The following MAGI1 variants were observed in gnomAD, a reference collection of about 807,000 sequenced individuals.
The protein encoded by MAGI1 is membrane associated guanylate kinase, WW and PDZ domain containing 1, also known as membrane-associated guanylate kinase, WW and PDZ domain-containing protein 1.
Under a neutral mutation model 139.9 loss-of-function variants are expected in MAGI1, and 58 were observed. The ratio of observed to expected loss-of-function variants is 0.41; its 90% CI spans 0.34 to 0.52. The LOEUF is 0.52. Ranked by LOEUF, MAGI1 falls within the 20% of genes least tolerant of loss-of-function variation. The pLI is 0.12. For missense variants in MAGI1, 1,874 were observed against 1,901.6 expected, an observed-to-expected ratio of 0.99 and a Z score of 0.27; for synonymous variants, 812 against 737.9, an observed-to-expected ratio of 1.10 and a Z score of -1.63.
intron 1 of MAGI1, among the ~76,000 whole-genome samples, chr3:65,855,634 A>AGAGGGG: frequency 1.1e-5 from 1 of 94,362 alleles, no homozygotes; most frequent in East Asian, 2.9e-4. Flanking sequence ...AGGGGAGGGG[A>AGAGGGG]AGGGAGAAAC....
intron 18 of MAGI1, among the ~76,000 whole-genome samples, chr3:65,367,560 G>A (rs571868865): frequency 1.1e-4 from 17 of 152,236 alleles, no homozygotes; most frequent in African/African-American, 3.4e-4. Context: ...TGGTTTAAAC[G>A]TGCCAAGCAC....
intron 2 of MAGI1, among the ~76,000 whole-genome samples, chr3:65,595,608 T>C (rs920153360): frequency 2.0e-5 from 3 of 152,060 alleles, no homozygotes; most frequent in East Asian, 3.9e-4. Flanking sequence ...AGTCTAATCA[T>C]AGGAACAGAC....
At chr3:65,613,729 T>C (rs2083232767) in intron 2 of MAGI1, among the ~76,000 whole-genome samples, 3 of 152,226 alleles carry the variant, frequency 2.0e-5, no homozygotes, top group South Asian at 2.1e-4. Flanking sequence ...ATGCCTATTA[T>C]TGGCTAAATC....
intron 11 of MAGI1, 100 bp downstream of exon 11, chr3:65,430,599 G>T (rs1947383963): frequency 1.6e-6 from 2 of 1,256,588 alleles, no homozygotes; most frequent in East Asian, 4.7e-5. Context: ...TCATGACGTT[G>T]CTTGGTCTTG....
At chr3:65,463,267 A>G (rs1005202729) in intron 5 of MAGI1, among the ~76,000 whole-genome samples, 4 of 152,106 alleles carry the variant, frequency 2.6e-5, no homozygotes, top group Admixed American at 2.0e-4. Context: ...TCATTTTGAG[A>G]TATGTTCCAA....
intron 1 of MAGI1, among the ~76,000 whole-genome samples, chr3:65,639,720 C>T (rs529099464): frequency 1.8e-4 from 27 of 152,076 alleles, no homozygotes; most frequent in African/African-American, 6.0e-4. Flanking sequence ...AATTACTTTC[C>T]AGCCAGGTGC....
intron 1 of MAGI1, chr3:66,003,780 T>C (rs1011264606): frequency 6.6e-6 from 1 of 152,100 alleles, no homozygotes; most frequent in Non-Finnish European, 1.5e-5. Context: ...GCTTCAACTG[T>C]TTTTAAGGGT....
intron 1 of MAGI1, among the ~76,000 whole-genome samples, chr3:65,719,034 A>AG (rs2032648075): frequency 6.6e-6 from 1 of 151,026 alleles, no homozygotes; most frequent in African/African-American, 2.5e-5. Context: ...AAAAAAAAAA[A>AG]AAGACACAAA....
intron 1 of MAGI1, among the ~76,000 whole-genome samples, chr3:66,007,834 G>A (rs578033902): frequency 6.6e-6 from 1 of 152,070 alleles, no homozygotes; most frequent in South Asian, 2.1e-4. Flanking sequence ...CTAAATTGGA[G>A]GAGGGAAGAA....
At chr3:65,998,656 T>C (rs767144558) in intron 1 of MAGI1, among the ~76,000 whole-genome samples, 7 of 152,220 alleles carry the variant, frequency 4.6e-5, no homozygotes, top group Non-Finnish European at 1.5e-5. Flanking sequence ...ATCCCATTTG[T>C]AGATTATACT....
intron 1 of MAGI1, among the ~76,000 whole-genome samples, chr3:65,774,747 G>A (rs72908259): frequency 0.018 from 2,675 of 152,186 alleles, 78 homozygotes; most frequent in African/African-American, 0.061. Flanking sequence ...TTAAGTAAGA[G>A]GAAAACAAGA....
chr3:65,478,551 C>G, intron 4 of MAGI1, 41 bp downstream of exon 4: 1 of 1,581,866 alleles, frequency 6.3e-7, no homozygotes, highest in Non-Finnish European at 8.7e-7. Context: ...CTCGTCATCC[C>G]TTCCCCAGGT....
chr3:65,576,232 C>T (rs1289314519), intron 2 of MAGI1, among the ~76,000 whole-genome samples: 1 of 152,144 alleles, frequency 6.6e-6, no homozygotes, highest in African/African-American at 2.4e-5. Context: ...TCTAATTAAT[C>T]AAGTAACACG....
intron 2 of MAGI1, among the ~76,000 whole-genome samples, chr3:65,600,700 C>A (rs536908010): frequency 6.6e-6 from 1 of 152,160 alleles, no homozygotes; most frequent in African/African-American, 2.4e-5. Context: ...TTTAGAGAGG[C>A]AGTGAAATGT....
rs1465001617 is a variant in MAGI1, at chr3:65,430,720, A to G, written c.1525T>C (p.Leu509=). 1 of 1,613,372 alleles carries G rather than the reference A, an allele frequency of 6.2e-7. No homozygotes were observed. Among genetic ancestry groups the G allele is most frequent in the African/African-American group, 1.3e-5 (1 of 74,846 alleles). The part of the protein sequence containing the change: ...KSLVLDGPAA[L]DGKMETGDVI... ...CTACCTGTTTCCATCTTGCCATCCA[A>G]TGCAGCAGGACCATCTAGGACCAAG... Residue 509 remains leucine (L), a synonymous_variant, in exon 11 of 23, where the codon TTG becomes CTG. Transcript: ENST00000402939.
chr3:65,643,545 T>C (rs1576579574), intron 1 of MAGI1, among the ~76,000 whole-genome samples: 1 of 152,104 alleles, frequency 6.6e-6, no homozygotes, highest in Non-Finnish European at 1.5e-5. Flanking sequence ...ACTAGGAACC[T>C]TGGGACAAAC....
At chr3:65,642,073 C>T (rs2085010319) in intron 1 of MAGI1, among the ~76,000 whole-genome samples, 1 of 152,146 alleles carries the variant, frequency 6.6e-6, no homozygotes, top group Non-Finnish European at 1.5e-5. Flanking sequence ...AGGCTGACTT[C>T]TGAAGGTGCA....
At chr3:65,481,790 A>G (rs529154057) in intron 3 of MAGI1, among the ~76,000 whole-genome samples, 1 of 152,350 alleles carries the variant, frequency 6.6e-6, no homozygotes, top group Admixed American at 6.5e-5. Context: ...TAAAAGTTCC[A>G]CTTAACTTTG....
intron 1 of MAGI1, among the ~76,000 whole-genome samples, chr3:65,738,624 G>A (rs1288386242): frequency 6.6e-6 from 1 of 152,196 alleles, no homozygotes; most frequent in African/African-American, 2.4e-5. Flanking sequence ...GAAAGTTTAA[G>A]TGACTCCTTG....
Sources: gnomAD v4.1 joint callset for allele counts (sites outside exome capture counted in the v4.1 genomes callset) on GRCh38, gnomAD v4.1.1 for gene constraint, MANE v1.5 for transcripts, NCBI Gene and HGNC (gene_info 2026-07-23, HGNC 2026-07-21) for gene names.